The following WDPCP variants were observed in gnomAD, a reference collection of about 807,000 sequenced individuals.
The protein encoded by WDPCP is WD repeat containing planar cell polarity effector, also known as WD repeat-containing and planar cell polarity effector protein fritz homolog.
WDPCP carries 71 observed loss-of-function variants against 93.1 expected under a neutral mutation model. That is an observed-to-expected ratio of 0.76 (90% CI 0.63 to 0.93). The LOEUF (loss-of-function observed/expected upper bound fraction) is 0.93. WDPCP is among the 40% of genes least tolerant of loss of function. WDPCP has a pLI of 0.00. For missense variants in WDPCP, 844 were observed against 887.4 expected, an observed-to-expected ratio of 0.95 and a Z score of 0.62; for synonymous variants, 315 against 315.0, an observed-to-expected ratio of 1.00 and a Z score of 0.00.
intron 3 of WDPCP, among the ~76,000 whole-genome samples, chr2:63,613,043 C>T (rs573143323): frequency 5.9e-5 from 9 of 152,206 alleles, no homozygotes; most frequent in South Asian, 2.1e-4. Context: ...CCATACCTTC[C>T]ATGCTGGCCA....
intron 1 of WDPCP, among the ~76,000 whole-genome samples, chr2:63,513,704 C>CA (rs1193310923): frequency 6.6e-6 from 1 of 152,194 alleles, no homozygotes; most frequent in African/African-American, 2.4e-5. Flanking sequence ...AGGAATGCTA[C>CA]ACAGAGAGGC....
At chr2:63,191,396 GA>G (rs1365509243) in intron 14 of WDPCP, among the ~76,000 whole-genome samples, 1 of 151,162 alleles carries the variant, frequency 6.6e-6, no homozygotes, top group Non-Finnish European at 1.5e-5. Context: ...CATCTCAAAA[GA>G]AAAAAAAGAA....
At chr2:63,574,427 G>A (rs1707771141) in intron 1 of WDPCP, among the ~76,000 whole-genome samples, 2 of 152,178 alleles carry the variant, frequency 1.3e-5, no homozygotes, top group South Asian at 4.1e-4. Context: ...ACTGAAATAA[G>A]ATTAGATTTA....
At chr2:63,414,777 A>T (rs1230136007) in intron 9 of WDPCP, among the ~76,000 whole-genome samples, 1 of 152,196 alleles carries the variant, frequency 6.6e-6, no homozygotes, top group East Asian at 1.9e-4. Flanking sequence ...GGTGCAGTGT[A>T]TACTGCTTGG....
Position 63,715,282 on chromosome 2 carries a change from T to C in WDPCP, n.309-64444A>G, listed in dbSNP as rs189292166. 3.3e-5 allele frequency among the ~76,000 whole-genome samples: 5 copies of C among 152,376 alleles called. No homozygotes were observed. In the East Asian group the frequency reaches 7.7e-4, roughly 23 times the overall value. ...CCTTAAAATGGTTCATTTTATGTTATGCAAATTTTGCCCCAATAAAATAAT... is the reference window on the plus strand; with the variant it reads ...CCTTAAAATGGTTCATTTTATGTTACGCAAATTTTGCCCCAATAAAATAAT... On this transcript the variant is annotated intron_variant and non_coding_transcript_variant, in intron 2 of 4. Transcript: ENST00000467687.
At chr2:63,313,153 G>C in intron 13 of WDPCP, 95 bp downstream of exon 13, 1 of 1,186,720 alleles carries the variant, frequency 8.4e-7, no homozygotes, top group Non-Finnish European at 1.2e-6. Context: ...CTGTGTCTAA[G>C]GCTGCAAAAT....
upstream of WDPCP, among the ~76,000 whole-genome samples, chr2:63,592,598 G>C (rs1709221374): frequency 6.6e-6 from 1 of 152,206 alleles, no homozygotes. Flanking sequence ...CACCCGCCTT[G>C]TCCCCCCGCG....
chr2:63,621,434 G>A (rs1179798940), intron 3 of WDPCP, among the ~76,000 whole-genome samples: 1 of 151,808 alleles, frequency 6.6e-6, no homozygotes, highest in Non-Finnish European at 1.5e-5. Flanking sequence ...AGAGATTGAA[G>A]ATCAACTTAA....
intron 14 of WDPCP, among the ~76,000 whole-genome samples, chr2:63,249,831 G>A (rs534890201): frequency 2.0e-5 from 3 of 152,114 alleles, no homozygotes; most frequent in Non-Finnish European, 4.4e-5. Flanking sequence ...CTGTCAATTC[G>A]AACACCTTTC....
chr2:63,533,497 T>A (rs1463523413), intron 1 of WDPCP, among the ~76,000 whole-genome samples: 1 of 152,068 alleles, frequency 6.6e-6, no homozygotes, highest in Non-Finnish European at 1.5e-5. Flanking sequence ...GAACAGAAAT[T>A]ATAACAAACA....
At chr2:63,161,564 T>A (rs1441974605) in intron 15 of WDPCP, among the ~76,000 whole-genome samples, 2 of 152,166 alleles carry the variant, frequency 1.3e-5, no homozygotes, top group Non-Finnish European at 2.9e-5. Flanking sequence ...AGGAGGTCCA[T>A]ATCTGAGAAT....
At chr2:63,700,296 AAAAAAAAC>A (rs1201026980) in intron 2 of WDPCP, among the ~76,000 whole-genome samples, 13,223 of 135,346 alleles carry the variant, frequency 0.098, 816 homozygotes, top group Non-Finnish European at 0.15. Flanking sequence ...AAAAAAAAAA[AAAAAAAAC>A]AAAAAGAAAA....
At chr2:63,379,002 G>T (rs987249043) in intron 11 of WDPCP, among the ~76,000 whole-genome samples, 1 of 152,046 alleles carries the variant, frequency 6.6e-6, no homozygotes, top group African/African-American at 2.4e-5. Context: ...TAAGACAACC[G>T]TGAAAGTCCC....
At chr2:63,391,734 A>T (rs1693268209) in intron 10 of WDPCP, among the ~76,000 whole-genome samples, 1 of 152,202 alleles carries the variant, frequency 6.6e-6, no homozygotes, top group Non-Finnish European at 1.5e-5. Context: ...AAGCATTCCT[A>T]TACATCAATA....
intron 6 of WDPCP, among the ~76,000 whole-genome samples, chr2:63,475,638 A>T (rs1699931852): frequency 6.6e-6 from 1 of 152,140 alleles, no homozygotes; most frequent in South Asian, 2.1e-4. Context: ...AACAACATTG[A>T]GACTTGTAAG....
At chr2:63,530,166 A>AT (rs368831640) in intron 1 of WDPCP, among the ~76,000 whole-genome samples, 51 of 151,936 alleles carry the variant, frequency 3.4e-4, no homozygotes, top group African/African-American at 1.0e-3. Context: ...GGATTCATTG[A>AT]TTTTTTTGTA....
intron 2 of WDPCP, among the ~76,000 whole-genome samples, chr2:63,753,428 C>T (rs534855457): frequency 3.7e-4 from 56 of 151,898 alleles, no homozygotes; most frequent in Non-Finnish European, 6.2e-4. Context: ...GACTCCGTCT[C>T]GAACAACAGC....
At chr2:63,442,088 C>A (rs1697540075) in intron 6 of WDPCP, 1 of 152,058 alleles carries the variant, frequency 6.6e-6, no homozygotes, top group African/African-American at 2.4e-5. Flanking sequence ...TGACTCCCTA[C>A]AACTTCAACA....
At chr2:63,656,492 A>G (rs765418276) in intron 2 of WDPCP, among the ~76,000 whole-genome samples, 2 of 152,262 alleles carry the variant, frequency 1.3e-5, no homozygotes, top group Non-Finnish European at 2.9e-5. Context: ...ACTGGAAGCC[A>G]GAAATGGGCC....
Sources: allele counts gnomAD v4.1 joint callset (sites outside exome capture counted in the v4.1 genomes callset), GRCh38; gene constraint gnomAD v4.1.1; transcripts MANE v1.5; gene names NCBI Gene and HGNC (gene_info 2026-07-23, HGNC 2026-07-21).